GSAP: variants seen among roughly 807,000 people sequenced by gnomAD.
GSAP encodes gamma-secretase activating protein.
GSAP carries 118 observed loss-of-function variants against 131.7 expected under a neutral mutation model. The observed-to-expected ratio is 0.90, with a 90% CI of 0.77 to 1.04. The LOEUF is 1.04. Among genes scored for constraint, GSAP ranks in the 50% least tolerant of loss-of-function variants. The pLI, the probability that GSAP is intolerant of heterozygous loss-of-function variation, is 0.00. For synonymous variants in GSAP, 381 were observed against 363.4 expected (o/e 1.05, Z -0.55); for missense variants, 1,019 against 1,013.2 (o/e 1.01, Z -0.08).
chr7:77,398,978 C>T (rs1304739955), intron 3 of GSAP, among the ~76,000 whole-genome samples: 1 of 152,112 alleles, frequency 6.6e-6, no homozygotes, highest in African/African-American at 2.4e-5. Context: ...GACTTCTGTA[C>T]CAGTAACATT....
rs1028054064 is a variant in GSAP at position 77,353,440 on chromosome 7, TTTTG to T, written c.1408+128_1408+131del. On this transcript the variant is annotated intron_variant, in intron 17 of 30. Transcript: ENST00000257626. ...TAATTAGCTGCTGACTCCGATAGAG[TTTTG>T]TTTTTTTTTTTTAATGTGCTCCAAA... 13 of 590,298 alleles carry T rather than the reference TTTTG, an allele frequency of 2.2e-5. 1 individual carries two copies. Among genetic ancestry groups the T allele is most frequent in the African/African-American group, 1.9e-4 (10 of 53,136 alleles). 36.6% of individuals were successfully genotyped at this position (590,298 alleles called of 1,614,324 possible).
intron 26 of GSAP, among the ~76,000 whole-genome samples, chr7:77,318,393 G>A (rs77885230): frequency 3.3e-5 from 5 of 152,186 alleles, no homozygotes; most frequent in South Asian, 4.1e-4. Flanking sequence ...TCAACAGTAC[G>A]TGGCACAAAA....
At chr7:77,342,819 GTT>G in intron 19 of GSAP, among the ~76,000 whole-genome samples, 1 of 152,074 alleles carries the variant, frequency 6.6e-6, no homozygotes, top group Admixed American at 6.5e-5. Context: ...AGCCTTACAG[GTT>G]AGCTCAGGAT....
At chr7:77,390,693 T>A (rs991259546) in intron 5 of GSAP, among the ~76,000 whole-genome samples, 2 of 151,990 alleles carry the variant, frequency 1.3e-5, no homozygotes, top group Non-Finnish European at 2.9e-5. Context: ...TCGTGGCACA[T>A]GTATACATAT....
intron 22 of GSAP, chr7:77,327,068 T>C (rs914700786): frequency 6.6e-6 from 1 of 152,122 alleles, no homozygotes; most frequent in African/African-American, 2.4e-5. Flanking sequence ...TACACAACCC[T>C]CGTGATTGAG....
chr7:77,355,761 T>C (rs1411275483), intron 14 of GSAP, 114 bp from the exon 15 acceptor site: 1 of 628,260 alleles, frequency 1.6e-6, no homozygotes, highest in Non-Finnish European at 2.8e-6. Context: ...GTTTTACCAA[T>C]GTAATAAGCT....
intron 19 of GSAP, among the ~76,000 whole-genome samples, chr7:77,346,801 T>C (rs1291522251): frequency 6.6e-6 from 1 of 152,132 alleles, no homozygotes; most frequent in African/African-American, 2.4e-5. Flanking sequence ...ACAATGCCCA[T>C]AGCCTTTGTT....
chr7:77,373,233 C>G (rs1181869376), intron 12 of GSAP, among the ~76,000 whole-genome samples: 1 of 152,166 alleles, frequency 6.6e-6, no homozygotes, highest in Non-Finnish European at 1.5e-5. Flanking sequence ...TATGTAATGT[C>G]TAAAATCTGT....
chr7:77,349,970 C>T lies in GSAP; in HGVS notation c.1492-566G>A, dbSNP rs544702583. On this transcript the variant is annotated intron_variant, in intron 18 of 30. Transcript: ENST00000257626. ...ATGCTGCTATAAAGACACATGCACACGTATGTTTATTGCGGCATTATTCAC... is the reference window on the plus strand; with the variant it reads ...ATGCTGCTATAAAGACACATGCACATGTATGTTTATTGCGGCATTATTCAC... Among the ~76,000 whole-genome samples, 177 of 152,136 alleles carry T rather than the reference C, an allele frequency of 1.2e-3. 1 individual carries two copies. The highest frequency in any genetic ancestry group is 2.0e-3 in the Non-Finnish European group (133 of 67,992).
chr7:77,391,802 C>T (rs983848929), intron 5 of GSAP, among the ~76,000 whole-genome samples: 8 of 152,058 alleles, frequency 5.3e-5, no homozygotes, highest in African/African-American at 1.9e-4. Context: ...GTCAGTGCAC[C>T]CCAGCTTGGG....
chr7:77,312,378 G>T (rs1402113526), intron 28 of GSAP, among the ~76,000 whole-genome samples, 176 bp from the exon 29 acceptor site: 1 of 152,152 alleles, frequency 6.6e-6, no homozygotes, highest in Non-Finnish European at 1.5e-5. Flanking sequence ...TTCTATGAGG[G>T]AGTAAATACT....
Position 77,311,361 on chromosome 7 carries a change from T to C in GSAP, c.2562A>G (p.Leu854=), listed in dbSNP as rs1474916427. 6.3e-7 allele frequency: 1 copy of C among 1,593,378 alleles called. No individual in the cohort carries two copies. Among genetic ancestry groups the C allele is most frequent in the Non-Finnish European group, 8.6e-7 (1 of 1,161,480 alleles). Residue 854 remains leucine (L), a synonymous_variant, in exon 31 of 31, where the codon TTA becomes TTG. Coordinates refer to ENST00000257626, the MANE Select transcript of GSAP (RefSeq NM_017439.4). ...AGATCCAATTGCGTTTTCTTTTTCA[T>C]AAGCCTAAAAGCATCGCGGTGTGTT... The part of the protein sequence containing the change: ...ALKHTAMLLG[L]
chr7:77,372,294 T>C (rs1024613288), intron 12 of GSAP, among the ~76,000 whole-genome samples: 4 of 152,220 alleles, frequency 2.6e-5, no homozygotes, highest in East Asian at 1.9e-4. Flanking sequence ...TTGCACATGT[T>C]AATGCAAGAC....
intron 3 of GSAP, among the ~76,000 whole-genome samples, chr7:77,402,353 T>A (rs1347916355): frequency 2.8e-5 from 4 of 143,340 alleles, no homozygotes; most frequent in African/African-American, 5.2e-5. Context: ...GAGACCATCC[T>A]GGCCAACATG....
chr7:77,380,322 G>T (rs1563075236), intron 8 of GSAP, among the ~76,000 whole-genome samples: 1 of 152,102 alleles, frequency 6.6e-6, no homozygotes, highest in Non-Finnish European at 1.5e-5. Flanking sequence ...ATTGTTAGAA[G>T]TTTTTTTGGA....
Position 77,355,442 on chromosome 7 carries a change from AAAAAAAACAGT to A in GSAP, c.1121-23_1121-13del. 1.3e-6 allele frequency: 2 copies of A among 1,579,342 alleles called. No individual in the cohort carries two copies. The highest frequency in any genetic ancestry group is 2.3e-5 in the South Asian group (2 of 86,306). On this transcript the variant is annotated splice_polypyrimidine_tract_variant and intron_variant, in intron 15 of 30. Coordinates refer to ENST00000257626, the MANE Select transcript of GSAP (RefSeq NM_017439.4). ...CATTTCATTATTTCCTGGCAAAAAA[AAAAAAAACAGT>A]AGATCAGCAAATAGAAGAAACTCCT...
chr7:77,312,386 ACT>A (rs1178618722), intron 28 of GSAP, among the ~76,000 whole-genome samples, 184 bp from the exon 29 acceptor site: 3 of 152,130 alleles, frequency 2.0e-5, no homozygotes, highest in South Asian at 2.1e-4. Flanking sequence ...GGGAGTAAAT[ACT>A]CTCTCAAACG....
Position 77,374,160 on chromosome 7 carries a change from G to A in GSAP, c.786-5C>T. On this transcript the variant is annotated splice_region_variant and splice_polypyrimidine_tract_variant and intron_variant, in intron 11 of 30. Transcript: ENST00000257626. ...TCACATCCAAAGTTGACAAGTCTAA[G>A]AACATAAAGAATGAGAAATTATTGA... 1 of 1,457,356 alleles carries A rather than the reference G, an allele frequency of 6.9e-7. No homozygotes were observed. Among genetic ancestry groups the A allele is most frequent in the South Asian group, 1.2e-5 (1 of 83,174 alleles). The allele number at this position is 1,457,356 out of a possible 1,614,324, so 90.3% of individuals were successfully genotyped here.
intron 8 of GSAP, among the ~76,000 whole-genome samples, chr7:77,380,269 T>C (rs947337832): frequency 1.3e-5 from 2 of 152,132 alleles, no homozygotes; most frequent in Non-Finnish European, 2.9e-5. Flanking sequence ...GTGATATGAA[T>C]TGAGGGAACA....
Sources: gnomAD v4.1 joint callset for allele counts (sites outside exome capture counted in the v4.1 genomes callset) on GRCh38, gnomAD v4.1.1 for gene constraint, MANE v1.5 for transcripts, NCBI Gene and HGNC (gene_info 2026-07-23, HGNC 2026-07-21) for gene names.